Variants in C12orf43 observed in about 807,000 individuals in gnomAD.
C12orf43 encodes chromosome 12 open reading frame 43.
Under a neutral mutation model 20.6 loss-of-function variants are expected in C12orf43, and 15 were observed. The observed-to-expected ratio is 0.73, with a 90% CI of 0.49 to 1.12. The LOEUF (loss-of-function observed/expected upper bound fraction) is 1.12, where lower values mean the gene tolerates loss of function less well. C12orf43 is among the 50% of genes most tolerant of loss of function. C12orf43 has a pLI of 0.00. For missense variants in C12orf43, 334 were observed against 344.4 expected, an observed-to-expected ratio of 0.97 and a Z score of 0.24; for synonymous variants, 144 against 130.8, an observed-to-expected ratio of 1.10 and a Z score of -0.69.
intron 1 of C12orf43, among the ~76,000 whole-genome samples, chr12:121,014,761 T>C (rs188049766): frequency 6.6e-6 from 1 of 150,900 alleles, no homozygotes; most frequent in African/African-American, 2.4e-5. Flanking sequence ...GGAGGATCAC[T>C]TGAGCCCAGG....
chr12:121,013,390 G>C (rs1319671900), intron 1 of C12orf43, among the ~76,000 whole-genome samples: 1 of 152,120 alleles, frequency 6.6e-6, no homozygotes, highest in African/African-American at 2.4e-5. Context: ...GTGTGATGCC[G>C]GGCAAGTCAC....
chr12:121,006,538 C>T, intron 3 of C12orf43, 144 bp from the exon 4 acceptor site: 1 of 718,096 alleles, frequency 1.4e-6, no homozygotes, highest in African/African-American at 1.8e-5. Context: ...GGCTGATGGT[C>T]TGGTTATAAC....
chr12:121,001,520 C>A lies in C12orf43; in HGVS notation c.*2633G>T. The A allele has an allele frequency of 2.2e-6, 1 of 453,466 alleles. No individual in the cohort carries two copies. The highest frequency in any genetic ancestry group is 4.1e-6 in the Non-Finnish European group (1 of 241,202). 28.1% of individuals were successfully genotyped at this position (453,466 alleles called of 1,614,324 possible). A position where few individuals can be genotyped will look rare whatever the true frequency, so the allele number is the denominator to read the frequency against. On this transcript the variant is annotated 3_prime_UTR_variant, in exon 6 of 6. Coordinates refer to ENST00000288757, the MANE Select transcript of C12orf43 (RefSeq NM_022895.3). Reference sequence around the variant, plus strand: ...AGGGGGCGGCCTATGACTTGGGCACCCCCAGCCTGGGCCTATGGAGAGCCC... The same window carrying A: ...AGGGGGCGGCCTATGACTTGGGCACACCCAGCCTGGGCCTATGGAGAGCCC...
intron 1 of C12orf43, among the ~76,000 whole-genome samples, chr12:121,013,809 G>C (rs1304755455): frequency 6.6e-6 from 1 of 152,206 alleles, no homozygotes; most frequent in Non-Finnish European, 1.5e-5. Context: ...ATGGACTTGG[G>C]AGTCAGGTAG....
chr12:121,010,830 G>A lies in C12orf43; in HGVS notation c.285C>T (p.Asp95=), dbSNP rs761980527. ...HVAKKLGALL[D]SFITISEAAK... is the part of the protein sequence containing the mutation. The stretch of plus-strand genomic sequence containing the variant: ...GGAGAAACTCCACCTTTGTTTACCT[G>A]TCCAGCAGGGCTCCCAGCTTCTTGG... The change falls in exon 3 of 6, where the codon GAC becomes GAT. Residue 95 remains aspartate (D), a splice_region_variant and synonymous_variant. Transcript: ENST00000288757. The A allele has an allele frequency of 2.5e-6, 4 of 1,611,360 alleles. No individual in the cohort carries two copies. The highest frequency in any genetic ancestry group is 2.2e-5 in the East Asian group (1 of 44,802).
chr12:121,009,838 G>A (rs1003363603), intron 3 of C12orf43, among the ~76,000 whole-genome samples: 1 of 152,310 alleles, frequency 6.6e-6, no homozygotes, highest in East Asian at 1.9e-4. Flanking sequence ...CTTACCGACT[G>A]GGTTATCAAC....
chr12:121,016,295 C>T (rs1238241606), intron 1 of C12orf43, 35 bp downstream of exon 1: 3 of 1,612,308 alleles, frequency 1.9e-6, no homozygotes, highest in South Asian at 1.1e-5. Context: ...AGATCCCACG[C>T]CCCTCAGCCA....
intron 3 of C12orf43, chr12:121,007,128 CTGG>C (rs1273452236): frequency 6.6e-6 from 1 of 152,066 alleles, no homozygotes; most frequent in African/African-American, 2.4e-5. Flanking sequence ...ATCTAGAAAA[CTGG>C]TTCAGAGGAC....
chr12:121,005,095 TA>T lies in C12orf43; in HGVS notation c.362-3del. 7.3e-7 allele frequency: 1 copy of T among 1,360,662 alleles called. No homozygotes were observed. Among genetic ancestry groups the T allele is most frequent in the Non-Finnish European group, 9.7e-7 (1 of 1,031,778 alleles). The allele number at this position is 1,360,662 out of a possible 1,614,324, so 84.3% of individuals were successfully genotyped here. The stretch of plus-strand genomic sequence containing the variant: ...CAGATGTGAAGAAAAGGCGGAAACC[TA>T]AGATTCAATGGGGCAGAGTCAAACA... On this transcript the variant is annotated splice_polypyrimidine_tract_variant and splice_region_variant and intron_variant, in intron 4 of 5. Coordinates refer to ENST00000288757, the MANE Select transcript of C12orf43 (RefSeq NM_022895.3). The surrounding 1 kb of genome is among the most constrained non-coding windows in gnomAD (Gnocchi z 5.6).
chr12:121,005,907 CCT>C lies in C12orf43; in HGVS notation c.361+412_361+413del, dbSNP rs201049242. 1,186 of 174,940 alleles carry C rather than the reference CCT, an allele frequency of 6.8e-3. 16 individuals are homozygous for C. Among genetic ancestry groups the C allele is most frequent in the African/African-American group, 0.026 (1,103 of 41,740 alleles). The allele number at this position is 174,940 out of a possible 1,614,324, so 10.8% of individuals were successfully genotyped here. ...ACCAGCCTGGGCAACATGACAGAAC[CCT>C]GTCTCTAAAAAAAAATACAAAAATT... is the stretch of plus-strand genomic sequence containing the variant. On this transcript the variant is annotated intron_variant, in intron 4 of 5. Coordinates refer to ENST00000288757, the MANE Select transcript of C12orf43 (RefSeq NM_022895.3). The surrounding 1 kb of genome is among the most constrained non-coding windows in gnomAD (Gnocchi z 5.6).
rs756165720 is a variant in C12orf43, at chr12:121,010,877, G to A, written c.238C>T (p.Pro80Ser). 40 of 1,613,978 alleles carry A rather than the reference G, an allele frequency of 2.5e-5. No homozygotes were observed. The highest frequency in any genetic ancestry group is 3.3e-5 in the Admixed American group (2 of 59,994). Residue 80 changes from proline (P) to serine (S), a missense_variant, in exon 3 of 6, where the codon CCT (proline) becomes TCT (serine). Pro to Ser is a moderately conservative substitution (Grantham distance 74). Coordinates refer to ENST00000288757, the MANE Select transcript of C12orf43 (RefSeq NM_022895.3). ...EQDGNELQTT[P>S]EFRAHVAKKL... ...TTGGCTACGTGGGCTCGGAATTCAG[G>A]GGTGGTCTGAAGCTCGTTGCCATCT...
At chr12:121,006,078 T>G in intron 4 of C12orf43, 1 of 445,300 alleles carries the variant, frequency 2.2e-6, no homozygotes, top group Non-Finnish European at 4.1e-6. Flanking sequence ...TAGCCAGGGG[T>G]GGTGGTGTGT....
rs1322992269 is a variant in C12orf43 at position 121,010,939 on chromosome 12, C to A, written c.189-13G>T. On this transcript the variant is annotated splice_polypyrimidine_tract_variant and intron_variant, in intron 2 of 5. Coordinates refer to ENST00000288757, the MANE Select transcript of C12orf43 (RefSeq NM_022895.3). ...ATTCACCTTATGCCTACGACACACACAAAGAGACCTCACTTCCTGCCCGCT... is the reference window on the plus strand; with the variant it reads ...ATTCACCTTATGCCTACGACACACAAAAAGAGACCTCACTTCCTGCCCGCT... 6.2e-7 allele frequency: 1 copy of A among 1,613,908 alleles called. No homozygotes were observed. The highest frequency in any genetic ancestry group is 1.3e-5 in the African/African-American group (1 of 74,910).
chr12:121,016,129 C>A, intron 1 of C12orf43: 1 of 833,694 alleles, frequency 1.2e-6, no homozygotes, highest in Non-Finnish European at 2.0e-6. Context: ...ATTTGGGTAC[C>A]TCAGCTTCCC....
At position 121,001,846 on chromosome 12, in the gene C12orf43, T is replaced by C. The variant is rs886435084; in HGVS notation, c.*2307A>G. The C allele has an allele frequency of 5.7e-6, 3 of 528,132 alleles. No individual in the cohort carries two copies. The highest frequency in any genetic ancestry group is 3.9e-5 in the East Asian group (1 of 25,688). 32.7% of individuals were successfully genotyped at this position (528,132 alleles called of 1,614,324 possible). ...ACAGGGAAGGCAGGCAGGGCTCTCC[T>C]GGCTTCCCATCCCCAGCGATTCCCT... On this transcript the variant is annotated 3_prime_UTR_variant, in exon 6 of 6. Transcript: ENST00000288757.
chr12:121,002,057 G>A lies in C12orf43; in HGVS notation c.*2096C>T, dbSNP rs571134960. On this transcript the variant is annotated 3_prime_UTR_variant, in exon 6 of 6. Coordinates refer to ENST00000288757, the MANE Select transcript of C12orf43 (RefSeq NM_022895.3). Reference sequence around the variant, plus strand: ...CCTGGTGGGGCAGCTCCTCTGTCTCGAGCGCCCTGCAGACCCTGCCCTTGT... The same window carrying A: ...CCTGGTGGGGCAGCTCCTCTGTCTCAAGCGCCCTGCAGACCCTGCCCTTGT... The A allele has an allele frequency of 1.0e-4, 55 of 536,772 alleles. No homozygotes were observed. The highest frequency in any genetic ancestry group is 5.6e-4 in the Middle Eastern group (2 of 3,554). 33.3% of individuals were successfully genotyped at this position (536,772 alleles called of 1,614,324 possible).
chr12:121,016,420 C>A lies in C12orf43; in HGVS notation c.55G>T (p.Asp19Tyr), dbSNP rs199680654. Residue 19 changes from aspartate to tyrosine, a missense_variant, in exon 1 of 6, where the codon GAT (aspartate) becomes TAT (tyrosine). Coordinates refer to ENST00000288757, the MANE Select transcript of C12orf43 (RefSeq NM_022895.3). ...CGGCACCGCTCCAGCTCCTCCGCATCGCTACTGCTGTTACTACTTTCCGAA... is the reference window on the plus strand; with the variant it reads ...CGGCACCGCTCCAGCTCCTCCGCATAGCTACTGCTGTTACTACTTTCCGAA... ...SDSESSNSSS[D>Y]AEELERCREA... is the part of the protein sequence containing the mutation. 1.2e-6 allele frequency: 2 copies of A among 1,614,042 alleles called. No homozygotes were observed. The highest frequency in any genetic ancestry group is 1.7e-5 in the Admixed American group (1 of 60,032).
chr12:121,000,928 G>A lies in C12orf43; in HGVS notation c.*3225C>T. ...TTTGAAGAACCGAGGGTAGAGGTGT[G>A]ACTTTGGGGTTCCTGTTATCTGCTG... is the stretch of plus-strand genomic sequence containing the variant. On this transcript the variant is annotated 3_prime_UTR_variant, in exon 6 of 6. Coordinates refer to ENST00000288757, the MANE Select transcript of C12orf43 (RefSeq NM_022895.3). 8.0e-7 allele frequency: 1 copy of A among 1,243,284 alleles called. No homozygotes were observed. Among genetic ancestry groups the A allele is most frequent in the South Asian group, 1.2e-5 (1 of 80,338 alleles). 77.0% of individuals were successfully genotyped at this position (1,243,284 alleles called of 1,614,324 possible). A position where few individuals can be genotyped will look rare whatever the true frequency, so the allele number is the denominator to read the frequency against.
Position 121,004,437 on chromosome 12 carries a change from ACGCCGACACAGC to A in C12orf43, c.493_504del (p.Ala165_Ala168del), listed in dbSNP as rs1400555121. The A allele has an allele frequency of 3.7e-6, 6 of 1,612,474 alleles. No homozygotes were observed. The highest frequency in any genetic ancestry group is 1.7e-5 in the Admixed American group (1 of 59,942). ...ATGGCTGACTCCTGTAGGATGTCGG[ACGCCGACACAGC>A]TGCCTCCCGGCACCGCCGCCACTCC... On this transcript the variant is annotated inframe_deletion, in exon 6 of 6. Coordinates refer to ENST00000288757, the MANE Select transcript of C12orf43 (RefSeq NM_022895.3). The surrounding 1 kb of genome is among the most constrained non-coding windows in gnomAD (Gnocchi z 5.6).
Sources: allele counts gnomAD v4.1 joint callset (sites outside exome capture counted in the v4.1 genomes callset), GRCh38; gene constraint gnomAD v4.1.1; non-coding constraint Gnocchi (gnomAD v3.1); transcripts MANE v1.5; gene names NCBI Gene and HGNC (gene_info 2026-07-23, HGNC 2026-07-21).